The following AP3S2 variants were observed in gnomAD, a reference collection of about 807,000 sequenced individuals.
AP3S2 encodes adaptor related protein complex 3 subunit sigma 2.
A neutral mutation model predicts 23.4 loss-of-function variants in AP3S2; 22 were observed. That is an observed-to-expected ratio of 0.94 (90% CI 0.67 to 1.34). The LOEUF (loss-of-function observed/expected upper bound fraction) is 1.34, where lower values mean the gene tolerates loss of function less well. AP3S2 is among the 40% of genes most tolerant of loss of function. AP3S2 has a pLI of 0.00. For synonymous variants in AP3S2, 86 were observed against 87.1 expected (o/e 0.99, Z 0.07); for missense variants, 241 against 236.9 (o/e 1.02, Z -0.11).
At chr15:89,858,123 G>C (rs1895884421) in intron 4 of AP3S2, among the ~76,000 whole-genome samples, 1 of 152,086 alleles carries the variant, frequency 6.6e-6, no homozygotes, top group African/African-American at 2.4e-5. Context: ...GCCTGGAAAA[G>C]GGTTCTTAGT....
intron 4 of AP3S2, among the ~76,000 whole-genome samples, chr15:89,843,143 CCTGA>C (rs1372566489): frequency 6.6e-6 from 1 of 151,792 alleles, no homozygotes; most frequent in African/African-American, 2.4e-5. Context: ...TGCCACCACG[CCTGA>C]CTAATTTTGT....
At chr15:89,868,240 G>A (rs1330558355) in intron 4 of AP3S2, among the ~76,000 whole-genome samples, 141 of 53,436 alleles carry the variant, frequency 2.6e-3, no homozygotes, top group African/African-American at 9.1e-3. Flanking sequence ...CGCCCGGCCA[G>A]CCGCCCCGTC....
chr15:89,842,222 A>G (rs1185142639), intron 4 of AP3S2, among the ~76,000 whole-genome samples: 1 of 152,204 alleles, frequency 6.6e-6, no homozygotes, highest in Non-Finnish European at 1.5e-5. Flanking sequence ...GAAACCAAAA[A>G]GGGCTAAAAG....
chr15:89,867,046 C>T lies in AP3S2; in HGVS notation c.345+4429G>A, dbSNP rs1379824379. Among the ~76,000 whole-genome samples, 657 of 138,398 alleles carry T rather than the reference C, an allele frequency of 4.7e-3. 4 individuals carry two copies. The highest frequency in any genetic ancestry group is 0.017 in the African/African-American group (635 of 37,390). 90.8% of individuals were successfully genotyped at this position (138,398 alleles called of 152,430 possible). A position where few individuals can be genotyped will look rare whatever the true frequency, so the allele number is the denominator to read the frequency against. ...TCCCCCTCTCCCTCTCCCTCTCCCT[C>T]TCCCCACGGTCTCCCTCTCATGCGG... On this transcript the variant is annotated intron_variant, in intron 4 of 5. Transcript: ENST00000336418.
chr15:89,881,799 G>C (rs1055787974), intron 3 of AP3S2, among the ~76,000 whole-genome samples: 5 of 151,956 alleles, frequency 3.3e-5, no homozygotes, highest in African/African-American at 1.2e-4. Context: ...AGTACTAGAG[G>C]CATTATAAAT....
At position 89,885,219 on chromosome 15, in the gene AP3S2, G is replaced by C. The variant is rs112938664; in HGVS notation, c.273+3302C>G. ...TGTTCTTGTTTTTTTTTTTGAGATAGAGTCTCGCTCTATTGCCCAGGCTGG... is the reference window on the plus strand; with the variant it reads ...TGTTCTTGTTTTTTTTTTTGAGATACAGTCTCGCTCTATTGCCCAGGCTGG... On this transcript the variant is annotated intron_variant, in intron 3 of 5. Coordinates refer to ENST00000336418, the MANE Select transcript of AP3S2 (RefSeq NM_005829.5). 9.7e-3 allele frequency among the ~76,000 whole-genome samples: 1,457 copies of C among 150,910 alleles called. 31 individuals carry two copies. The highest frequency in any genetic ancestry group is 0.033 in the African/African-American group (1,350 of 41,072).
chr15:89,860,304 TA>T (rs1480193967), intron 4 of AP3S2, among the ~76,000 whole-genome samples: 1 of 152,136 alleles, frequency 6.6e-6, no homozygotes, highest in Non-Finnish European at 1.5e-5. Flanking sequence ...TAACTAATAA[TA>T]AAAACAATTA....
At chr15:89,881,978 G>A (rs1432398536) in intron 3 of AP3S2, among the ~76,000 whole-genome samples, 3 of 152,022 alleles carry the variant, frequency 2.0e-5, no homozygotes, top group Admixed American at 6.6e-5. Context: ...ATACCACCAC[G>A]CCCGGCTAAC....
At chr15:89,859,164 G>GTCCTTCCT (rs57479258) in intron 4 of AP3S2, among the ~76,000 whole-genome samples, 9 of 149,846 alleles carry the variant, frequency 6.0e-5, no homozygotes, top group Non-Finnish European at 1.2e-4. Flanking sequence ...CAGCCCAAGT[G>GTCCTTCCT]TCCTTCCTTC....
In AP3S2 at chr15:89,834,199, A is replaced by G. The variant is rs1486835151; in HGVS notation, c.*1316T>C. On this transcript the variant is annotated 3_prime_UTR_variant, in exon 6 of 6. Coordinates refer to ENST00000336418, the MANE Select transcript of AP3S2 (RefSeq NM_005829.5). Reference sequence around the variant, plus strand: ...CCAGCGTGCGTCATGTCCAGGCCCCACAAGGGTGACCCTGGCTCAGGTTCT... The same window carrying G: ...CCAGCGTGCGTCATGTCCAGGCCCCGCAAGGGTGACCCTGGCTCAGGTTCT... 1 of 152,290 alleles carries G rather than the reference A, an allele frequency of 6.6e-6. No homozygotes were observed. Among genetic ancestry groups the G allele is most frequent in the Non-Finnish European group, 1.5e-5 (1 of 68,090 alleles). 9.4% of individuals were successfully genotyped at this position (152,290 alleles called of 1,614,324 possible).
intron 3 of AP3S2, among the ~76,000 whole-genome samples, chr15:89,875,478 C>G (rs1017665607): frequency 3.3e-5 from 5 of 152,170 alleles, no homozygotes; most frequent in Admixed American, 1.3e-4. Context: ...AAAGCGCATG[C>G]TGATGGGCAA....
At chr15:89,859,145 C>T (rs567633979) in intron 4 of AP3S2, among the ~76,000 whole-genome samples, 2 of 151,760 alleles carry the variant, frequency 1.3e-5, no homozygotes, top group African/African-American at 4.8e-5. Context: ...CGTCGTGAGC[C>T]TCCACAACCA....
intron 4 of AP3S2, among the ~76,000 whole-genome samples, chr15:89,841,018 T>A (rs537424509): frequency 5.3e-5 from 8 of 152,188 alleles, no homozygotes; most frequent in Non-Finnish European, 1.2e-4. Flanking sequence ...AGAGTAGGCA[T>A]GCTAAATGAA....
intron 3 of AP3S2, chr15:89,877,303 T>A (rs775005209): frequency 9.0e-6 from 12 of 1,329,380 alleles, no homozygotes; most frequent in Non-Finnish European, 1.1e-5. Context: ...AAAAAGATCA[T>A]ACTTTTAAGG....
chr15:89,884,786 A>G lies in AP3S2; in HGVS notation c.273+3735T>C, dbSNP rs534691081. ...CTCAGCCTCCCGTGTAGCTGGGACT[A>G]CAGGCGCATGCCACCACACCCAGCT... On this transcript the variant is annotated intron_variant, in intron 3 of 5. Coordinates refer to ENST00000336418, the MANE Select transcript of AP3S2 (RefSeq NM_005829.5). Among the ~76,000 whole-genome samples the G allele has an allele frequency of 9.4e-3, 1,426 of 152,048 alleles. 9 individuals carry two copies. The highest frequency in any genetic ancestry group is 0.016 in the Non-Finnish European group (1,076 of 68,002).
At chr15:89,837,765 G>T in intron 4 of AP3S2, 43 bp from the exon 5 acceptor site, 1 of 1,608,064 alleles carries the variant, frequency 6.2e-7, no homozygotes, top group Non-Finnish European at 8.5e-7. Flanking sequence ...ACTCTGTGGT[G>T]GTCAGAGTGT....
intron 4 of AP3S2, among the ~76,000 whole-genome samples, chr15:89,869,780 G>T (rs1431793980): frequency 2.0e-5 from 3 of 150,666 alleles, no homozygotes; most frequent in Non-Finnish European, 1.5e-5. Flanking sequence ...TTGAGACACA[G>T]TCTCGCTCTG....
intron 3 of AP3S2, among the ~76,000 whole-genome samples, chr15:89,887,817 C>T (rs1004269438): frequency 1.3e-5 from 2 of 152,192 alleles, no homozygotes; most frequent in African/African-American, 4.8e-5. Flanking sequence ...ACTGCAGGTG[C>T]ACACCACCAT....
At chr15:89,859,387 T>TTC (rs1299528044) in intron 4 of AP3S2, among the ~76,000 whole-genome samples, 769 of 73,504 alleles carry the variant, frequency 0.01, 4 homozygotes, top group Non-Finnish European at 0.014. Context: ...CCTTCCTTCC[T>TTC]TTTCTTTCTT....
Sources: allele counts gnomAD v4.1 joint callset (sites outside exome capture counted in the v4.1 genomes callset), GRCh38; gene constraint gnomAD v4.1.1; transcripts MANE v1.5; gene names NCBI Gene and HGNC (gene_info 2026-07-23, HGNC 2026-07-21).